DLGAP2: variants seen among roughly 807,000 people sequenced by gnomAD.
DLGAP2 encodes the protein disks large-associated protein 2.
A neutral mutation model predicts 100.3 loss-of-function variants in DLGAP2; 26 were observed. The observed-to-expected ratio is 0.26, with a 90% CI of 0.19 to 0.36. The LOEUF is 0.36. Among genes scored for constraint, DLGAP2 ranks in the 10% least tolerant of loss-of-function variants. DLGAP2 has a pLI of 1.00. For missense variants in DLGAP2, 1,858 were observed against 1,453.2 expected (o/e 1.28, Z -4.53); for synonymous variants, 886 against 630.1 (o/e 1.41, Z -6.08).
rs1722096494 is a variant in DLGAP2, at chr8:1,697,347, C to T, written c.2949+48C>T. 1.9e-6 allele frequency: 3 copies of T among 1,543,966 alleles called. No individual in the cohort carries two copies. The South Asian group carries it at 3.7e-5, about 19-fold the overall frequency. On this transcript the variant is annotated intron_variant, in intron 14 of 14. Transcript: ENST00000637795. ...GGCTCCCAGCAAACCCCCTTTCTCA[C>T]TGCACTAACGACCTGCTGCAGATAG...
At chr8:1,637,648 A>G (rs1349066443) in intron 8 of DLGAP2, among the ~76,000 whole-genome samples, 1 of 152,234 alleles carries the variant, frequency 6.6e-6, no homozygotes, top group Non-Finnish European at 1.5e-5. Context: ...TGAAGATTCT[A>G]AAGAAAAGAT....
intron 2 of DLGAP2, among the ~76,000 whole-genome samples, chr8:1,127,136 G>T (rs576102581): frequency 6.7e-6 from 1 of 148,960 alleles, no homozygotes; most frequent in Non-Finnish European, 1.5e-5. Context: ...TGTTCCTGGA[G>T]CTCATGAGGG....
chr8:1,002,148 G>C (rs913615534), intron 2 of DLGAP2: 1 of 152,108 alleles, frequency 6.6e-6, no homozygotes, highest in Admixed American at 6.5e-5. Context: ...TCGATCACTG[G>C]CTGAGAACTC....
At chr8:1,615,478 A>G (rs1797119548) in intron 6 of DLGAP2, among the ~76,000 whole-genome samples, 1 of 152,264 alleles carries the variant, frequency 6.6e-6, no homozygotes. Flanking sequence ...GAAGACCCCG[A>G]TGGTAGAACT....
At chr8:1,312,804 T>A (rs1800643726) in intron 3 of DLGAP2, among the ~76,000 whole-genome samples, 2 of 152,354 alleles carry the variant, frequency 1.3e-5, no homozygotes, top group South Asian at 4.1e-4. Context: ...GAGCTGCTTC[T>A]TGCAGCAGGG....
chr8:964,339 G>A lies in DLGAP2; in HGVS notation c.73+56373G>A. Among the ~76,000 whole-genome samples the A allele has an allele frequency of 1.3e-5, 2 of 152,214 alleles. 1 individual carries two copies. Among genetic ancestry groups the A allele is most frequent in the Non-Finnish European group, 2.9e-5 (2 of 68,042 alleles). ...TTATGCACGCAGCCCTGGTGGCGCTGTACTGTCGTGGACTCTGCTGCGACG... is the reference window on the plus strand; with the variant it reads ...TTATGCACGCAGCCCTGGTGGCGCTATACTGTCGTGGACTCTGCTGCGACG... On this transcript the variant is annotated intron_variant, in intron 2 of 14. Coordinates refer to ENST00000637795, the MANE Select transcript of DLGAP2 (RefSeq NM_001346810.2).
chr8:774,046 G>C (rs1423075373), intron 1 of DLGAP2, among the ~76,000 whole-genome samples: 3 of 152,208 alleles, frequency 2.0e-5, no homozygotes, highest in African/African-American at 7.2e-5. Context: ...CATTCTAACT[G>C]GTGTGAGATG....
intron 2 of DLGAP2, among the ~76,000 whole-genome samples, chr8:1,232,507 C>T (rs1214461469): frequency 1.3e-5 from 2 of 152,248 alleles, no homozygotes; most frequent in African/African-American, 2.4e-5. Context: ...ACGTCAACTC[C>T]TTTCCTCTTG....
Position 1,128,938 on chromosome 8 carries a change from G to A in DLGAP2, c.74-129913G>A, listed in dbSNP as rs976592430. ...AGAAGCTCCATGAGGCAGGGTGGCC[G>A]GTGTGTGTGTCTCAGGACACTGGCA... On this transcript the variant is annotated intron_variant, in intron 2 of 14. Transcript: ENST00000637795. Among the ~76,000 whole-genome samples, 7 of 152,140 alleles carry A rather than the reference G, an allele frequency of 4.6e-5. No homozygotes were observed. In the South Asian group the frequency reaches 6.2e-4, roughly 14 times the overall value.
chr8:1,025,144 G>GCA (rs1563151082), intron 2 of DLGAP2, among the ~76,000 whole-genome samples: 1 of 151,696 alleles, frequency 6.6e-6, no homozygotes, highest in Admixed American at 6.6e-5. Flanking sequence ...GTGTGTGTGC[G>GCA]TGTGTGTGTG....
chr8:861,422 G>A (rs952502072), intron 1 of DLGAP2, among the ~76,000 whole-genome samples: 1 of 152,146 alleles, frequency 6.6e-6, no homozygotes, highest in African/African-American at 2.4e-5. Context: ...AGTAGAAGAA[G>A]TTTGAAGCCC....
chr8:1,449,101 C>T (rs1225333486), intron 3 of DLGAP2, among the ~76,000 whole-genome samples: 7 of 152,136 alleles, frequency 4.6e-5, no homozygotes, highest in Admixed American at 4.6e-4. Context: ...CCTGTCATCC[C>T]GGCCTAATGA....
chr8:1,379,328 C>T (rs189539384), intron 3 of DLGAP2, among the ~76,000 whole-genome samples: 28 of 152,398 alleles, frequency 1.8e-4, no homozygotes, highest in African/African-American at 5.3e-4. Flanking sequence ...CTAAGAGCCG[C>T]GTCTTTGCTA....
At chr8:1,240,013 T>G (rs1798749994) in intron 2 of DLGAP2, among the ~76,000 whole-genome samples, 1 of 151,242 alleles carries the variant, frequency 6.6e-6, no homozygotes, top group East Asian at 2.0e-4. Flanking sequence ...GCATCGTGTC[T>G]AGTTCTCTCA....
intron 3 of DLGAP2, among the ~76,000 whole-genome samples, chr8:1,270,318 GA>G (rs1799554822): frequency 6.6e-6 from 1 of 152,172 alleles, no homozygotes; most frequent in Non-Finnish European, 1.5e-5. Context: ...AAAATGTCCA[GA>G]AATAGAAGGA....
intron 3 of DLGAP2, among the ~76,000 whole-genome samples, chr8:1,438,071 G>A (rs1355416109): frequency 2.6e-5 from 4 of 152,024 alleles, no homozygotes; most frequent in Non-Finnish European, 2.9e-5. Flanking sequence ...CTCGAGTTGT[G>A]GGCTGTTTTC....
At chr8:1,278,375 C>T (rs573640743) in intron 3 of DLGAP2, among the ~76,000 whole-genome samples, 21 of 152,290 alleles carry the variant, frequency 1.4e-4, no homozygotes, top group African/African-American at 4.8e-4. Context: ...ATGTCATCGG[C>T]GCAGTCGTGA....
intron 2 of DLGAP2, among the ~76,000 whole-genome samples, chr8:987,599 A>G (rs1800525191): frequency 6.6e-6 from 1 of 152,128 alleles, no homozygotes; most frequent in East Asian, 1.9e-4. Flanking sequence ...AAAATAGACA[A>G]ACTGCTTATT....
chr8:1,455,840 G>A (rs369414990), intron 3 of DLGAP2, among the ~76,000 whole-genome samples: 2 of 152,298 alleles, frequency 1.3e-5, no homozygotes, highest in Admixed American at 6.5e-5. Context: ...GTTCCAGGCA[G>A]ACCACAGACT....
Sources: gnomAD v4.1 joint callset for allele counts (sites outside exome capture counted in the v4.1 genomes callset) on GRCh38, gnomAD v4.1.1 for gene constraint, MANE v1.5 for transcripts, NCBI Gene and HGNC (gene_info 2026-07-23, HGNC 2026-07-21) for gene names.